DLGAP2: variants seen among roughly 807,000 people sequenced by gnomAD.
DLGAP2 encodes disks large-associated protein 2.
Under a neutral mutation model 100.3 loss-of-function variants are expected in DLGAP2, and 26 were observed. That is an observed-to-expected ratio of 0.26 (90% CI 0.19 to 0.36). The LOEUF is 0.36. DLGAP2 is among the 10% of genes least tolerant of loss of function. The pLI is 1.00. For synonymous variants in DLGAP2, 886 were observed against 630.1 expected, an observed-to-expected ratio of 1.41 and a Z score of -6.08; for missense variants, 1,858 against 1,453.2, an observed-to-expected ratio of 1.28 and a Z score of -4.53.
chr8:791,914 C>T (rs1319051504), intron 1 of DLGAP2, among the ~76,000 whole-genome samples: 1 of 152,148 alleles, frequency 6.6e-6, no homozygotes, highest in Non-Finnish European at 1.5e-5. Context: ...TTGGAGTTAA[C>T]CCCTAACGAC....
intron 1 of DLGAP2, among the ~76,000 whole-genome samples, chr8:791,583 C>T (rs909267293): frequency 7.9e-5 from 12 of 152,084 alleles, no homozygotes; most frequent in Admixed American, 6.6e-5. Flanking sequence ...GCCCACATTT[C>T]GATTCTAACA....
At chr8:1,518,704 AGATTTGT>A (rs1166588854) in intron 4 of DLGAP2, among the ~76,000 whole-genome samples, 1 of 152,060 alleles carries the variant, frequency 6.6e-6, no homozygotes, top group African/African-American at 2.4e-5. Flanking sequence ...GGAGTCTTTG[AGATTTGT>A]TTTTCTCAGG....
intron 3 of DLGAP2, among the ~76,000 whole-genome samples, chr8:1,344,801 G>A (rs1801517292): frequency 6.6e-6 from 1 of 152,198 alleles, no homozygotes; most frequent in African/African-American, 2.4e-5. Flanking sequence ...GCAGGACTGG[G>A]CGTGTGTCTG....
intron 3 of DLGAP2, among the ~76,000 whole-genome samples, chr8:1,287,472 G>A (rs200437863): frequency 4.4e-4 from 20 of 45,120 alleles, no homozygotes; most frequent in South Asian, 3.4e-3. Flanking sequence ...TCGGTTCAGC[G>A]TGTGTGTGTG....
intron 3 of DLGAP2, among the ~76,000 whole-genome samples, chr8:1,314,745 C>T (rs1800691257): frequency 6.6e-6 from 1 of 152,232 alleles, no homozygotes; most frequent in Non-Finnish European, 1.5e-5. Context: ...TTTCGGGGGT[C>T]TCCCTATGGT....
chr8:1,349,499 C>G lies in DLGAP2; in HGVS notation c.106+90616C>G, dbSNP rs950888092. Reference sequence around the variant, plus strand: ...CATGAGCCTCCCGCCCACATCCACACACAGGTAGAAAGGGGTGTTTGAGGG... The same window carrying G: ...CATGAGCCTCCCGCCCACATCCACAGACAGGTAGAAAGGGGTGTTTGAGGG... On this transcript the variant is annotated intron_variant, in intron 3 of 14. Coordinates refer to ENST00000637795, the MANE Select transcript of DLGAP2 (RefSeq NM_001346810.2). Among the ~76,000 whole-genome samples the G allele has an allele frequency of 7.5e-4, 108 of 143,950 alleles. No homozygotes were observed. The East Asian group carries it at 0.02, about 27-fold the overall frequency. The allele number at this position is 143,950 out of a possible 152,430, so 94.4% of individuals were successfully genotyped here.
intron 6 of DLGAP2, among the ~76,000 whole-genome samples, chr8:1,573,511 A>T (rs1490606467): frequency 6.6e-6 from 1 of 152,026 alleles, no homozygotes; most frequent in Non-Finnish European, 1.5e-5. Context: ...AGTCCTTTAG[A>T]CCCCTGACTG....
At chr8:1,489,416 G>A (rs1298985495) in intron 3 of DLGAP2, among the ~76,000 whole-genome samples, 1 of 152,170 alleles carries the variant, frequency 6.6e-6, no homozygotes, top group Non-Finnish European at 1.5e-5. Flanking sequence ...ATCTGTGTGA[G>A]GGAACAGCAG....
chr8:980,717 G>A (rs754473222), intron 2 of DLGAP2, among the ~76,000 whole-genome samples: 8 of 152,138 alleles, frequency 5.3e-5, no homozygotes, highest in East Asian at 1.9e-4. Context: ...GCTGGGTTCC[G>A]GGAGGACACG....
chr8:1,628,435 T>C (rs1403498752), intron 7 of DLGAP2, among the ~76,000 whole-genome samples: 19 of 114,498 alleles, frequency 1.7e-4, no homozygotes, highest in Admixed American at 1.3e-3. Context: ...CCTCACATTC[T>C]GTCTGACTTA....
At chr8:741,649 C>G (rs550281841) in intron 1 of DLGAP2, among the ~76,000 whole-genome samples, 1 of 152,194 alleles carries the variant, frequency 6.6e-6, no homozygotes, top group Non-Finnish European at 1.5e-5. Flanking sequence ...TTTCTAGACC[C>G]GTTACTGCAG....
At chr8:1,087,198 G>C (rs550687490) in intron 2 of DLGAP2, among the ~76,000 whole-genome samples, 2 of 152,170 alleles carry the variant, frequency 1.3e-5, no homozygotes, top group Non-Finnish European at 1.5e-5. Context: ...AACATCATGC[G>C]TACCGAAACA....
At chr8:817,355 G>C (rs533498102) in intron 1 of DLGAP2, among the ~76,000 whole-genome samples, 2 of 152,060 alleles carry the variant, frequency 1.3e-5, no homozygotes, top group Non-Finnish European at 2.9e-5. Flanking sequence ...ACTGAAGAAG[G>C]TTTCTTTCAT....
At chr8:1,129,588 C>T (rs533383143) in intron 2 of DLGAP2, among the ~76,000 whole-genome samples, 3 of 152,152 alleles carry the variant, frequency 2.0e-5, no homozygotes, top group African/African-American at 7.2e-5. Context: ...CTCCCACGAG[C>T]CTTGCGGGAA....
chr8:780,588 T>C (rs962433521), intron 1 of DLGAP2, among the ~76,000 whole-genome samples: 14 of 152,250 alleles, frequency 9.2e-5, no homozygotes, highest in Non-Finnish European at 1.8e-4. Flanking sequence ...TTCCCGTCAG[T>C]GGTGAACGTG....
At chr8:1,646,593 G>T (rs1223067542) in intron 8 of DLGAP2, among the ~76,000 whole-genome samples, 1 of 152,168 alleles carries the variant, frequency 6.6e-6, no homozygotes, top group Non-Finnish European at 1.5e-5. Flanking sequence ...TCTTCACACT[G>T]GAAAACAATT....
At chr8:1,255,012 C>CTGTGTGTGTGCCCTCTCCTGCCCGGGT (rs1799152331) in intron 2 of DLGAP2, among the ~76,000 whole-genome samples, 1 of 76,602 alleles carries the variant, frequency 1.3e-5, no homozygotes, top group African/African-American at 7.5e-5. Context: ...CCTGCTTGGG[C>CTGTGTGTGTGCCCTCTCCTGCCCGGGT]GCTGTGTGTG....
intron 1 of DLGAP2, among the ~76,000 whole-genome samples, chr8:875,378 T>G (rs557082187): frequency 6.6e-5 from 10 of 152,330 alleles, no homozygotes; most frequent in Admixed American, 6.5e-4. Context: ...CCACGTGTCA[T>G]GAGAGGGACC....
chr8:1,470,467 C>G (rs1375352551), intron 3 of DLGAP2, among the ~76,000 whole-genome samples: 1 of 152,102 alleles, frequency 6.6e-6, no homozygotes, highest in Non-Finnish European at 1.5e-5. Flanking sequence ...TGAAATCCCT[C>G]CCGCCACCTG....
Sources: allele counts gnomAD v4.1 joint callset (sites outside exome capture counted in the v4.1 genomes callset), GRCh38; gene constraint gnomAD v4.1.1; transcripts MANE v1.5; gene names NCBI Gene and HGNC (gene_info 2026-07-23, HGNC 2026-07-21).